Variants in C9orf57 observed in about 807,000 individuals in gnomAD.
C9orf57 encodes uncharacterized protein C9orf57.
Under a neutral mutation model 12.9 loss-of-function variants are expected in C9orf57, and 12 were observed. The ratio of observed to expected loss-of-function variants is 0.93; its 90% CI spans 0.60 to 1.51. The LOEUF is 1.51. Ranked by LOEUF, C9orf57 falls within the 40% of genes most tolerant of loss-of-function variation. The pLI is 0.00. For synonymous variants in C9orf57, 49 were observed against 57.1 expected (o/e 0.86, Z 0.64); for missense variants, 141 against 162.8 (o/e 0.87, Z 0.73).
At chr9:72,055,691 T>G (rs981952081) in intron 4 of C9orf57, among the ~76,000 whole-genome samples, 1 of 152,182 alleles carries the variant, frequency 6.6e-6, no homozygotes, top group Non-Finnish European at 1.5e-5. Flanking sequence ...TTCACAGGCA[T>G]GCAACTGGTG....
chr9:72,051,982 C>T lies in C9orf57; in HGVS notation c.*314G>A, dbSNP rs766328072. The T allele has an allele frequency of 1.1e-5, 3 of 271,204 alleles. No individual in the cohort carries two copies. The highest frequency in any genetic ancestry group is 5.1e-5 in the Admixed American group (1 of 19,670). 16.8% of individuals were successfully genotyped at this position (271,204 alleles called of 1,614,324 possible). On this transcript the variant is annotated 3_prime_UTR_variant, in exon 5 of 5. Transcript: ENST00000651200. ...GGGAAATGAAAGTAGTTAGAGGTGA[C>T]ATGCCTAGTTTGACTTGGAGAATCA...
At chr9:72,054,944 T>C (rs1364465246) in intron 4 of C9orf57, among the ~76,000 whole-genome samples, 1 of 107,764 alleles carries the variant, frequency 9.3e-6, no homozygotes, top group Non-Finnish European at 1.8e-5. Context: ...TTTGAGACAA[T>C]GTCTTACTCT....
intron 4 of C9orf57, among the ~76,000 whole-genome samples, chr9:72,055,554 G>A (rs1824181065): frequency 6.6e-6 from 1 of 151,948 alleles, no homozygotes; most frequent in Non-Finnish European, 1.5e-5. Flanking sequence ...CTCCCCGGTA[G>A]CTGGGACTGC....
intron 2 of C9orf57, 93 bp downstream of exon 2, chr9:72,059,142 G>C: frequency 6.7e-7 from 1 of 1,484,254 alleles, no homozygotes; most frequent in East Asian, 2.5e-5. Context: ...GCCTCCCAAA[G>C]TGCTGGGATT....
intron 3 of C9orf57, 134 bp from the exon 4 acceptor site, chr9:72,056,330 T>G (rs1824200717): frequency 1.1e-5 from 4 of 353,988 alleles, no homozygotes; most frequent in Non-Finnish European, 1.7e-5. Flanking sequence ...TATATATATT[T>G]TATGTTATAT....
At chr9:72,059,708 C>T (rs921887518) in intron 1 of C9orf57, among the ~76,000 whole-genome samples, 3 of 152,112 alleles carry the variant, frequency 2.0e-5, no homozygotes, top group African/African-American at 4.8e-5. Flanking sequence ...GCAATCCCAG[C>T]TACTTGGGAG....
intron 2 of C9orf57, 49 bp downstream of exon 2, chr9:72,059,186 T>C (rs1341405338): frequency 6.5e-7 from 1 of 1,549,208 alleles, no homozygotes; most frequent in African/African-American, 1.4e-5. Context: ...GCCCTACAAT[T>C]TCTTAATAAT....
chr9:72,053,975 C>T (rs1462897310), intron 4 of C9orf57, among the ~76,000 whole-genome samples: 1 of 152,116 alleles, frequency 6.6e-6, no homozygotes, highest in Non-Finnish European at 1.5e-5. Flanking sequence ...GAATAGTTCC[C>T]TATAGATGAA....
intron 4 of C9orf57, among the ~76,000 whole-genome samples, chr9:72,055,442 C>T (rs551262588): frequency 8.7e-6 from 1 of 115,420 alleles, no homozygotes; most frequent in East Asian, 3.0e-4. Flanking sequence ...CCTTCCTTTT[C>T]GAGACATGAT....
At chr9:72,056,646 A>G in intron 3 of C9orf57, 138 bp downstream of exon 3, 2 of 815,352 alleles carry the variant, frequency 2.5e-6, no homozygotes, top group South Asian at 4.0e-5. Context: ...GGGTCCATCC[A>G]GCTCTTTTCA....
chr9:72,054,060 A>T (rs1824137371), intron 4 of C9orf57, among the ~76,000 whole-genome samples: 1 of 152,178 alleles, frequency 6.6e-6, no homozygotes. Context: ...GTGCAATGGC[A>T]TGATCTTGGC....
Position 72,052,372 on chromosome 9 carries a change from G to C in C9orf57, c.344C>G (p.Thr115Ser). The change falls in exon 5 of 5, where the codon ACT becomes AGT. Residue 115 changes from threonine (T) to serine (S), a missense_variant. By Grantham distance (58) the Thr-to-Ser change is moderately conservative (BLOSUM62 1). Coordinates refer to ENST00000651200, the MANE Select transcript of C9orf57 (RefSeq NM_001128618.2). ...TKNTSECFKS[T>S]LVKRILQLHE... ...CAGTTGCAGAATTCTCTTGACGAGA[G>C]TACTCTTGAAGCACTCTGATGTGTT... 6.4e-7 allele frequency: 1 copy of C among 1,552,086 alleles called. No homozygotes were observed. Among genetic ancestry groups the C allele is most frequent in the Non-Finnish European group, 8.7e-7 (1 of 1,147,042 alleles).
chr9:72,059,808 G>A (rs755984908), intron 1 of C9orf57, among the ~76,000 whole-genome samples: 2 of 152,074 alleles, frequency 1.3e-5, no homozygotes, highest in Admixed American at 6.6e-5. Context: ...GGGACAGAGC[G>A]AGACTGTAAA....
chr9:72,056,769 A>C lies in C9orf57; in HGVS notation c.157+15T>G. Reference sequence around the variant, plus strand: ...TGCTTATTTTAATTAAAATTTTTAAAGTGTCAAAACTTACCTTGAATGTGG... The same window carrying C: ...TGCTTATTTTAATTAAAATTTTTAACGTGTCAAAACTTACCTTGAATGTGG... On this transcript the variant is annotated intron_variant, in intron 3 of 4. Transcript: ENST00000651200. 1 of 1,545,580 alleles carries C rather than the reference A, an allele frequency of 6.5e-7. No homozygotes were observed. Among genetic ancestry groups the C allele is most frequent in the Non-Finnish European group, 8.7e-7 (1 of 1,144,486 alleles).
chr9:72,055,780 A>G (rs559209392), intron 4 of C9orf57, among the ~76,000 whole-genome samples: 48 of 151,890 alleles, frequency 3.2e-4, no homozygotes, highest in South Asian at 1.5e-3. Context: ...GAATGAGACA[A>G]TATATAGATT....
chr9:72,052,958 C>T (rs748974783), intron 4 of C9orf57, among the ~76,000 whole-genome samples: 27 of 152,160 alleles, frequency 1.8e-4, no homozygotes, highest in Non-Finnish European at 3.4e-4. Flanking sequence ...GTGACAGTAA[C>T]ATCCTGTAAT....
chr9:72,052,177 C>T lies in C9orf57; in HGVS notation c.*119G>A, dbSNP rs1824094416. The T allele has an allele frequency of 8.9e-7, 1 of 1,128,100 alleles. No homozygotes were observed. Among genetic ancestry groups the T allele is most frequent in the Non-Finnish European group, 1.2e-6 (1 of 817,692 alleles). 69.9% of individuals were successfully genotyped at this position (1,128,100 alleles called of 1,614,324 possible). Reference sequence around the variant, plus strand: ...CAATTTCAGATCAAAATTCCTTCTACCTACAAGGGTCTGAGGTTTCTGAAG... The same window carrying T: ...CAATTTCAGATCAAAATTCCTTCTATCTACAAGGGTCTGAGGTTTCTGAAG... On this transcript the variant is annotated 3_prime_UTR_variant, in exon 5 of 5. Coordinates refer to ENST00000651200, the MANE Select transcript of C9orf57 (RefSeq NM_001128618.2).
At chr9:72,055,329 TTTCC>T (rs1334294666) in intron 4 of C9orf57, among the ~76,000 whole-genome samples, 21 of 147,484 alleles carry the variant, frequency 1.4e-4, no homozygotes, top group South Asian at 1.1e-3. Flanking sequence ...TCTCTTTCTC[TTTCC>T]TTCCTTCCTT....
chr9:72,052,698 G>C (rs992732151), intron 4 of C9orf57, among the ~76,000 whole-genome samples: 1 of 152,166 alleles, frequency 6.6e-6, no homozygotes, highest in Admixed American at 6.5e-5. Context: ...TAAAAGCCAT[G>C]CAATTGCCAT....
Sources: allele counts gnomAD v4.1 joint callset (sites outside exome capture counted in the v4.1 genomes callset), GRCh38; gene constraint gnomAD v4.1.1; transcripts MANE v1.5; gene names NCBI Gene and HGNC (gene_info 2026-07-23, HGNC 2026-07-21).